Variants in GSTCD observed in about 807,000 individuals in gnomAD.
GSTCD encodes glutathione S-transferase C-terminal domain containing, also known as glutathione S-transferase C-terminal domain-containing protein.
Under a neutral mutation model 68.3 loss-of-function variants are expected in GSTCD, and 44 were observed. That is an observed-to-expected ratio of 0.64 (90% CI 0.51 to 0.83). The LOEUF (loss-of-function observed/expected upper bound fraction) is 0.83. Ranked by LOEUF, GSTCD falls within the 40% of genes least tolerant of loss-of-function variation. The pLI, the probability that GSTCD is intolerant of heterozygous loss-of-function variation, is 0.00. For missense variants in GSTCD, 739 were observed against 735.9 expected, an observed-to-expected ratio of 1.00 and a Z score of -0.05; for synonymous variants, 273 against 255.2, an observed-to-expected ratio of 1.07 and a Z score of -0.67.
chr4:105,738,351 G>A (rs556359186), intron 5 of GSTCD, among the ~76,000 whole-genome samples: 2 of 152,004 alleles, frequency 1.3e-5, no homozygotes, highest in Non-Finnish European at 2.9e-5. Flanking sequence ...CTTTTGCTCA[G>A]GATTGCTTTG....
intron 5 of GSTCD, among the ~76,000 whole-genome samples, chr4:105,760,129 A>T (rs911723268): frequency 2.0e-5 from 3 of 150,556 alleles, no homozygotes; most frequent in Non-Finnish European, 4.4e-5. Context: ...AGTTAATGAC[A>T]TGAACATTTG....
At chr4:105,784,792 T>A (rs1383135733) in intron 5 of GSTCD, among the ~76,000 whole-genome samples, 2 of 152,232 alleles carry the variant, frequency 1.3e-5, no homozygotes, top group Non-Finnish European at 2.9e-5. Flanking sequence ...CATTATTTAT[T>A]TTGATACTCA....
At position 105,719,121 on chromosome 4, in the gene GSTCD, G is replaced by C; in HGVS notation, c.488G>C (p.Arg163Thr). 6.2e-7 allele frequency: 1 copy of C among 1,614,134 alleles called. No homozygotes were observed. The highest frequency in any genetic ancestry group is 8.5e-7 in the Non-Finnish European group (1 of 1,180,002). Residue 163 changes from arginine (R) to threonine (T), a missense_variant, in exon 3 of 12, where the codon AGA becomes ACA. Arg to Thr is a moderately conservative substitution (Grantham distance 71). Coordinates refer to ENST00000515279, the MANE Select transcript of GSTCD (RefSeq NM_001370181.1). ...CCTTTGGCTATTGAGAATTTTCTCA[G>C]AGAATCTTCTGACCAGCCCCCAACT... is the stretch of plus-strand genomic sequence containing the variant. ...TIPLAIENFL[R>T]ESSDQPPTIP...
intron 5 of GSTCD, among the ~76,000 whole-genome samples, chr4:105,743,653 C>CTTTTT (rs777714268): frequency 1.0e-4 from 9 of 88,846 alleles, no homozygotes; most frequent in East Asian, 3.0e-4. Context: ...ACAGGACATT[C>CTTTTT]TTTTTTTTTT....
intron 3 of GSTCD, among the ~76,000 whole-genome samples, chr4:105,725,331 G>A (rs1175157721): frequency 1.3e-5 from 2 of 152,004 alleles, no homozygotes; most frequent in Admixed American, 1.3e-4. Flanking sequence ...TTTTTGTGTG[G>A]ACATAAATGT....
chr4:105,721,643 G>GT (rs1341340219), intron 3 of GSTCD, among the ~76,000 whole-genome samples: 11 of 151,626 alleles, frequency 7.3e-5, no homozygotes, highest in East Asian at 1.9e-4. Context: ...TCGATGAGGT[G>GT]TTTTTTTTGT....
rs530318575 is a variant in GSTCD at position 105,794,244 on chromosome 4, G to A, written c.1241-28710G>A. ...GACAGTGAAAAGATCAGTGGTTGCCGGACTACTGGGAGGAGGTAGAGATGA... is the reference window on the plus strand; with the variant it reads ...GACAGTGAAAAGATCAGTGGTTGCCAGACTACTGGGAGGAGGTAGAGATGA... On this transcript the variant is annotated intron_variant, in intron 5 of 11. Coordinates refer to ENST00000515279, the MANE Select transcript of GSTCD (RefSeq NM_001370181.1). Among the ~76,000 whole-genome samples the A allele has an allele frequency of 3.9e-5, 6 of 152,076 alleles. No individual in the cohort carries two copies. In the South Asian group the frequency reaches 1.0e-3, roughly 26 times the overall value.
intron 7 of GSTCD, among the ~76,000 whole-genome samples, chr4:105,824,541 A>T (rs933928161): frequency 1.3e-5 from 2 of 152,152 alleles, no homozygotes; most frequent in African/African-American, 4.8e-5. Context: ...CATAAGAACA[A>T]AATAAGAACT....
In GSTCD at chr4:105,845,686, C is replaced by T. The variant is rs933427816; in HGVS notation, c.*109C>T. ...GGAAACAGCATTAGCCATCTTGAAC[C>T]TATTGTGCTCAGGAAGGAAAGCAAC... On this transcript the variant is annotated 3_prime_UTR_variant, in exon 12 of 12. Transcript: ENST00000515279. 3.6e-5 allele frequency: 41 copies of T among 1,147,058 alleles called. No individual in the cohort carries two copies. The East Asian group carries it at 3.8e-4, about 11-fold the overall frequency. The allele number at this position is 1,147,058 out of a possible 1,614,324, so 71.1% of individuals were successfully genotyped here.
intron 5 of GSTCD, among the ~76,000 whole-genome samples, chr4:105,736,024 G>A (rs1304507755): frequency 6.6e-6 from 1 of 151,074 alleles, no homozygotes; most frequent in Non-Finnish European, 1.5e-5. Flanking sequence ...GAGAAATATT[G>A]TTTTATTGTT....
At chr4:105,731,527 C>CTGTT (rs557176777) in intron 5 of GSTCD, among the ~76,000 whole-genome samples, 8,151 of 152,140 alleles carry the variant, frequency 0.054, 251 homozygotes, top group Middle Eastern at 0.14. Flanking sequence ...ATTTGGCTCT[C>CTGTT]TGTCTGTTAT....
At position 105,735,339 on chromosome 4, in the gene GSTCD, G is replaced by A. The variant is rs979543986; in HGVS notation, c.1240+5840G>A. 5.3e-5 allele frequency among the ~76,000 whole-genome samples: 8 copies of A among 152,168 alleles called. No individual in the cohort carries two copies. The East Asian group carries it at 7.7e-4, about 15-fold the overall frequency. On this transcript the variant is annotated intron_variant, in intron 5 of 11. Coordinates refer to ENST00000515279, the MANE Select transcript of GSTCD (RefSeq NM_001370181.1). ...GGGCTCCACCCAGTTCAAGCTTCCA[G>A]GCCGCTTTGTTTACCTACTCAAGCC...
chr4:105,844,366 A>C (rs1724472715), intron 11 of GSTCD, among the ~76,000 whole-genome samples: 1 of 152,170 alleles, frequency 6.6e-6, no homozygotes, highest in African/African-American at 2.4e-5. Flanking sequence ...ATCATTTCTA[A>C]CCCAGTTTAT....
In GSTCD at chr4:105,761,087, C is replaced by G. The variant is rs757235889; in HGVS notation, c.1240+31588C>G. On this transcript the variant is annotated intron_variant, in intron 5 of 11. Coordinates refer to ENST00000515279, the MANE Select transcript of GSTCD (RefSeq NM_001370181.1). Reference sequence around the variant, plus strand: ...GGTGTAGTCTCGGCTCACTGGAACCCCAGCCTCCCGGGTTCAAGTAATTCT... The same window carrying G: ...GGTGTAGTCTCGGCTCACTGGAACCGCAGCCTCCCGGGTTCAAGTAATTCT... 2.4e-5 allele frequency: 4 copies of G among 169,986 alleles called. No homozygotes were observed. The South Asian group carries it at 2.6e-4, about 11-fold the overall frequency. 10.5% of individuals were successfully genotyped at this position (169,986 alleles called of 1,614,324 possible). A position where few individuals can be genotyped will look rare whatever the true frequency, so the allele number is the denominator to read the frequency against.
intron 5 of GSTCD, among the ~76,000 whole-genome samples, chr4:105,795,723 A>G (rs1240654593): frequency 1.3e-5 from 2 of 152,152 alleles, no homozygotes; most frequent in African/African-American, 4.8e-5. Context: ...AGCCAGTTGT[A>G]CACATACATG....
At chr4:105,746,040 A>T (rs890138125) in intron 5 of GSTCD, among the ~76,000 whole-genome samples, 1 of 152,090 alleles carries the variant, frequency 6.6e-6, no homozygotes, top group African/African-American at 2.4e-5. Context: ...TTAGAGTACA[A>T]TTGACCCTTG....
intron 4 of GSTCD, among the ~76,000 whole-genome samples, chr4:105,727,488 G>A (rs1733080858): frequency 6.7e-6 from 1 of 149,532 alleles, no homozygotes; most frequent in East Asian, 2.0e-4. Context: ...TTGTACCGCT[G>A]TACTCCAGCT....
intron 5 of GSTCD, among the ~76,000 whole-genome samples, chr4:105,745,966 T>C (rs749343160): frequency 6.6e-5 from 10 of 152,146 alleles, no homozygotes; most frequent in Non-Finnish European, 1.5e-4. Context: ...GAGAGTGATA[T>C]GGGGAGAGTG....
At chr4:105,738,995 G>A (rs1225515356) in intron 5 of GSTCD, among the ~76,000 whole-genome samples, 1 of 152,092 alleles carries the variant, frequency 6.6e-6, no homozygotes, top group Admixed American at 6.5e-5. Flanking sequence ...CCTTTATTAT[G>A]TTGAGGTATG....
Sources: gnomAD v4.1 joint callset for allele counts (sites outside exome capture counted in the v4.1 genomes callset) on GRCh38, gnomAD v4.1.1 for gene constraint, MANE v1.5 for transcripts, NCBI Gene and HGNC (gene_info 2026-07-23, HGNC 2026-07-21) for gene names.